Variants in TSPEAR observed in about 807,000 individuals in gnomAD.
TSPEAR encodes the protein thrombospondin-type laminin G domain and EAR repeat-containing protein.
In TSPEAR, 69 loss-of-function variants were observed where a neutral mutation model predicts 71.6. That is an observed-to-expected ratio of 0.96 (90% CI 0.79 to 1.18). The LOEUF (loss-of-function observed/expected upper bound fraction) is 1.18. Ranked by LOEUF, TSPEAR falls within the 50% of genes most tolerant of loss-of-function variation. TSPEAR has a pLI of 0.00. For missense variants in TSPEAR, 971 were observed against 894.9 expected (o/e 1.09, Z -1.09); for synonymous variants, 402 against 387.2 (o/e 1.04, Z -0.45).
In TSPEAR at chr21:44,665,113, C is replaced by G. The variant is rs140249235; in HGVS notation, c.82+46320G>C. Among the ~76,000 whole-genome samples, 869 of 152,320 alleles carry G rather than the reference C, an allele frequency of 5.7e-3. 7 individuals carry two copies. Among genetic ancestry groups the G allele is most frequent in the African/African-American group, 0.02 (828 of 41,568 alleles). On this transcript the variant is annotated intron_variant, in intron 1 of 11. Coordinates refer to ENST00000323084, the MANE Select transcript of TSPEAR (RefSeq NM_144991.3). Reference sequence around the variant, plus strand: ...TGTTCGGCTGCAAGCATTTATATGTCTGGGTTGATTGGTTCCATTTCTCAC... The same window carrying G: ...TGTTCGGCTGCAAGCATTTATATGTGTGGGTTGATTGGTTCCATTTCTCAC...
chr21:44,601,922 C>T, intron 1 of TSPEAR: 4 of 851,638 alleles, frequency 4.7e-6, no homozygotes, highest in Middle Eastern at 3.6e-4. Flanking sequence ...CTTGACTTTC[C>T]CCCAATTACC....
At chr21:44,678,202 T>G (rs1282848608) in intron 1 of TSPEAR, 2 of 398,812 alleles carry the variant, frequency 5.0e-6, no homozygotes, top group Non-Finnish European at 9.2e-6. Context: ...ATTGATATGG[T>G]TTGGATCTGT....
At position 44,676,437 on chromosome 21, in the gene TSPEAR, T is replaced by G; in HGVS notation, c.82+34996A>C. The G allele has an allele frequency of 5.5e-6, 6 of 1,097,938 alleles. No homozygotes were observed. In the South Asian group the frequency reaches 7.9e-5, roughly 14 times the overall value. The allele number at this position is 1,097,938 out of a possible 1,614,324, so 68.0% of individuals were successfully genotyped here. ...TTAATGCCTCCACTGAAAGCCAGAG[T>G]TGGTAGGCTTTTCTGGCTTCCTCTT... On this transcript the variant is annotated intron_variant, in intron 1 of 11. Transcript: ENST00000323084.
chr21:44,522,404 G>A (rs1219237334), intron 8 of TSPEAR, among the ~76,000 whole-genome samples: 1 of 152,228 alleles, frequency 6.6e-6, no homozygotes, highest in Non-Finnish European at 1.5e-5. Flanking sequence ...TGGAGGTGGG[G>A]CCCACCGTGT....
intron 2 of TSPEAR, among the ~76,000 whole-genome samples, chr21:44,560,825 CTAAAGCA>C (rs1472427876): frequency 6.6e-6 from 1 of 152,092 alleles, no homozygotes; most frequent in Admixed American, 6.5e-5. Flanking sequence ...TGGAACACAG[CTAAAGCA>C]GTGTTAACAG....
At chr21:44,535,158 T>C (rs1442253526) in intron 2 of TSPEAR, among the ~76,000 whole-genome samples, 1 of 152,190 alleles carries the variant, frequency 6.6e-6, no homozygotes, top group Non-Finnish European at 1.5e-5. Flanking sequence ...TGGTGATGGC[T>C]GCACAACAAC....
chr21:44,655,086 T>A (rs182010762), intron 1 of TSPEAR, among the ~76,000 whole-genome samples: 249 of 152,328 alleles, frequency 1.6e-3, no homozygotes, highest in South Asian at 5.0e-3. Flanking sequence ...ATAATAATGA[T>A]GATTATTGAG....
intron 1 of TSPEAR, chr21:44,579,708 T>C (rs1978748079): frequency 1.9e-6 from 3 of 1,570,044 alleles, no homozygotes; most frequent in Non-Finnish European, 2.6e-6. Flanking sequence ...TCAGGACCAG[T>C]TGGCCCTGGG....
At chr21:44,579,502 A>G (rs1978721220) in intron 1 of TSPEAR, 1 of 572,730 alleles carries the variant, frequency 1.7e-6, no homozygotes. Context: ...AGGTGCTGAC[A>G]GGTTCAAGTC....
intron 1 of TSPEAR, chr21:44,579,941 G>A (rs372733073): frequency 1.2e-6 from 2 of 1,614,028 alleles, no homozygotes; most frequent in Middle Eastern, 1.6e-4. Flanking sequence ...TCTGCAGCAG[G>A]AGGTGGTGCA....
In TSPEAR at chr21:44,687,510, G is replaced by C. The variant is rs1185991767; in HGVS notation, c.82+23923C>G. 6.6e-6 allele frequency among the ~76,000 whole-genome samples: 1 copy of C among 152,212 alleles called. No individual in the cohort carries two copies. The highest frequency in any genetic ancestry group is 2.4e-5 in the African/African-American group (1 of 41,448). The stretch of plus-strand genomic sequence containing the variant: ...GGAACGCATCGCAGAAACACCGCGC[G>C]GGGTGGGAGAGGCCGGCACCAGAGG... On this transcript the variant is annotated intron_variant, in intron 1 of 11. Coordinates refer to ENST00000323084, the MANE Select transcript of TSPEAR (RefSeq NM_144991.3). This position sits in a 1 kb window ranked among gnomAD's most constrained non-coding sequence, Gnocchi z 4.4.
intron 9 of TSPEAR, among the ~76,000 whole-genome samples, chr21:44,511,908 A>G (rs2052392972): frequency 1.3e-5 from 2 of 152,252 alleles, no homozygotes; most frequent in Non-Finnish European, 2.9e-5. Flanking sequence ...GCCGGGCATC[A>G]CATCTCAGTG....
At chr21:44,662,249 C>T (rs1555943826) in intron 1 of TSPEAR, among the ~76,000 whole-genome samples, 4 of 152,002 alleles carry the variant, frequency 2.6e-5, no homozygotes, top group Admixed American at 2.6e-4. Flanking sequence ...TACCAGAAGA[C>T]TCACATTAAA....
intron 1 of TSPEAR, chr21:44,677,923 C>CA (rs1242232500): frequency 7.2e-6 from 10 of 1,391,914 alleles, no homozygotes; most frequent in African/African-American, 4.3e-5. Flanking sequence ...ATACCTCCAC[C>CA]AAAAAACAAA....
chr21:44,634,847 G>T (rs782663197), intron 1 of TSPEAR, among the ~76,000 whole-genome samples: 22 of 152,064 alleles, frequency 1.4e-4, no homozygotes, highest in Admixed American at 3.9e-4. Flanking sequence ...ACAAATAGAA[G>T]GTAGCAGATG....
rs147532801 is a variant in TSPEAR, at chr21:44,505,413, T to C, written c.1755-532A>G. 5.7e-3 allele frequency among the ~76,000 whole-genome samples: 864 copies of C among 152,068 alleles called. 6 individuals are homozygous for C. The highest frequency in any genetic ancestry group is 0.02 in the African/African-American group (837 of 41,454). ...AAATTATGGTAAAATACATATAACA[T>C]AACATTTCCCACCTCAACCATCTTT... is the stretch of plus-strand genomic sequence containing the variant. On this transcript the variant is annotated intron_variant, in intron 10 of 11. Coordinates refer to ENST00000323084, the MANE Select transcript of TSPEAR (RefSeq NM_144991.3).
chr21:44,525,938 C>T lies in TSPEAR; in HGVS notation c.1150-99G>A, dbSNP rs868962438. 166 of 1,240,058 alleles carry T rather than the reference C, an allele frequency of 1.3e-4. 2 individuals are homozygous for T. The South Asian group carries it at 1.9e-3, about 14-fold the overall frequency. The allele number at this position is 1,240,058 out of a possible 1,614,324, so 76.8% of individuals were successfully genotyped here. ...GAACATCAGCATCTCTCTCCAGATC[C>T]ACGGCTGCTACGTGGTGCAGGGACA... On this transcript the variant is annotated intron_variant, in intron 7 of 11. Transcript: ENST00000323084.
intron 4 of TSPEAR, 111 bp from the exon 5 acceptor site, chr21:44,530,065 G>T: frequency 8.7e-7 from 1 of 1,154,142 alleles, no homozygotes; most frequent in Non-Finnish European, 1.2e-6. Context: ...TCGGGTGGAT[G>T]GAATCTAAGC....
Position 44,679,089 on chromosome 21 carries a change from C to T in TSPEAR, c.82+32344G>A, listed in dbSNP as rs587622609. On this transcript the variant is annotated intron_variant, in intron 1 of 11. Coordinates refer to ENST00000323084, the MANE Select transcript of TSPEAR (RefSeq NM_144991.3). Reference sequence around the variant, plus strand: ...TACCCTTTCCTTATGGTATATAAGCCTTGGGTCTGGAGGGGTAATGGCACA... The same window carrying T: ...TACCCTTTCCTTATGGTATATAAGCTTTGGGTCTGGAGGGGTAATGGCACA... Among the ~76,000 whole-genome samples the T allele has an allele frequency of 1.1e-4, 16 of 152,252 alleles. No homozygotes were observed. The South Asian group carries it at 3.3e-3, about 32-fold the overall frequency.
Sources: gnomAD v4.1 joint callset for allele counts (sites outside exome capture counted in the v4.1 genomes callset) on GRCh38, gnomAD v4.1.1 for gene constraint, Gnocchi (gnomAD v3.1) non-coding constraint, MANE v1.5 for transcripts, NCBI Gene and HGNC (gene_info 2026-07-23, HGNC 2026-07-21) for gene names.